The following TTC29 variants were observed in gnomAD, a reference collection of about 807,000 sequenced individuals.
The protein encoded by TTC29 is tetratricopeptide repeat domain 29.
In TTC29, 49 loss-of-function variants were observed where a neutral mutation model predicts 58.1. The ratio of observed to expected loss-of-function variants is 0.84; its 90% confidence interval spans 0.67 to 1.07. TTC29 has a LOEUF of 1.07. TTC29 is among the 50% of genes least tolerant of loss of function. The pLI, the probability that TTC29 is intolerant of heterozygous loss-of-function variation, is 0.00. For synonymous variants in TTC29, 209 were observed against 196.8 expected, an observed-to-expected ratio of 1.06 and a Z score of -0.52; for missense variants, 582 against 555.6, an observed-to-expected ratio of 1.05 and a Z score of -0.48.
Position 146,759,547 on chromosome 4 carries a change from G to T in TTC29, c.1330+43910C>A, listed in dbSNP as rs368565014. Among the ~76,000 whole-genome samples, 24 of 152,128 alleles carry T rather than the reference G, an allele frequency of 1.6e-4. No homozygotes were observed. In the South Asian group the frequency reaches 4.6e-3, roughly 29 times the overall value. On this transcript the variant is annotated intron_variant, in intron 11 of 12. Coordinates refer to ENST00000325106, the MANE Select transcript of TTC29 (RefSeq NM_031956.4). ...TACTAAAATCCTTAACAAAATATTT[G>T]CTAACTGAATCCAACAACATATCAT...
chr4:146,776,605 C>T (rs574674291), intron 11 of TTC29, among the ~76,000 whole-genome samples: 1 of 152,262 alleles, frequency 6.6e-6, no homozygotes, highest in African/African-American at 2.4e-5. Flanking sequence ...GTACTGGACC[C>T]CCAACTTTGT....
At position 146,851,757 on chromosome 4, in the gene TTC29, T is replaced by G. The variant is rs1443368138; in HGVS notation, c.885+15741A>C. On this transcript the variant is annotated intron_variant, in intron 8 of 12. Coordinates refer to ENST00000325106, the MANE Select transcript of TTC29 (RefSeq NM_031956.4). ...AAAACATCCAGAGTTTTTCTGAATT[T>G]CAAGGCAAATTCAGCTAGGAAGTTA... Among the ~76,000 whole-genome samples the G allele has an allele frequency of 2.0e-5, 3 of 152,248 alleles. No homozygotes were observed. The East Asian group carries it at 5.8e-4, about 29-fold the overall frequency.
intron 4 of TTC29, among the ~76,000 whole-genome samples, chr4:146,910,338 G>A (rs565825975): frequency 1.0e-3 from 156 of 152,158 alleles, no homozygotes; most frequent in African/African-American, 3.7e-3. Flanking sequence ...TGGGAAATGT[G>A]AAATCTCACT....
chr4:146,847,120 T>G (rs540757471), intron 8 of TTC29, among the ~76,000 whole-genome samples: 1 of 152,326 alleles, frequency 6.6e-6, no homozygotes, highest in East Asian at 1.9e-4. Context: ...AATTTATGAG[T>G]CATTTCCATT....
intron 10 of TTC29, among the ~76,000 whole-genome samples, chr4:146,813,966 A>G (rs1579736510): frequency 6.6e-6 from 1 of 152,332 alleles, no homozygotes; most frequent in East Asian, 1.9e-4. Flanking sequence ...TTTGGGCAAC[A>G]AGAGTGAAAC....
chr4:146,723,945 T>C (rs1166819000), intron 11 of TTC29, among the ~76,000 whole-genome samples: 1 of 152,182 alleles, frequency 6.6e-6, no homozygotes, highest in Non-Finnish European at 1.5e-5. Context: ...TGCAGCTTTG[T>C]TCAGAATACC....
intron 6 of TTC29, among the ~76,000 whole-genome samples, chr4:146,896,798 A>G (rs749703610): frequency 2.0e-5 from 3 of 151,218 alleles, no homozygotes; most frequent in Non-Finnish European, 4.4e-5. Flanking sequence ...CTCTTTTTCT[A>G]CTCTGTACCT....
chr4:146,745,142 G>C (rs1349830628), intron 11 of TTC29, among the ~76,000 whole-genome samples: 2 of 152,222 alleles, frequency 1.3e-5, no homozygotes, highest in African/African-American at 4.8e-5. Context: ...AAGAGTCTAA[G>C]AAAGACAGTG....
intron 10 of TTC29, among the ~76,000 whole-genome samples, chr4:146,816,295 C>A (rs1339383524): frequency 6.6e-6 from 1 of 152,138 alleles, no homozygotes; most frequent in Non-Finnish European, 1.5e-5. Context: ...AGGAGATGCT[C>A]CCTCATTAGA....
chr4:146,820,573 A>G (rs1751746780), intron 9 of TTC29, among the ~76,000 whole-genome samples: 1 of 152,232 alleles, frequency 6.6e-6, no homozygotes, highest in Non-Finnish European at 1.5e-5. Flanking sequence ...ATATATACCC[A>G]AGTGAAGCAA....
intron 8 of TTC29, among the ~76,000 whole-genome samples, chr4:146,855,377 G>A (rs549656370): frequency 6.6e-6 from 1 of 151,956 alleles, no homozygotes; most frequent in African/African-American, 2.4e-5. Context: ...AGGTTGCAGT[G>A]GGCAGAGATT....
chr4:146,877,180 TA>T (rs1210342003), intron 6 of TTC29, among the ~76,000 whole-genome samples: 1 of 152,156 alleles, frequency 6.6e-6, no homozygotes, highest in Non-Finnish European at 1.5e-5. Context: ...TTAGGAAACA[TA>T]AAAAAACATT....
chr4:146,796,610 T>C (rs1749852493), intron 11 of TTC29, among the ~76,000 whole-genome samples: 1 of 152,194 alleles, frequency 6.6e-6, no homozygotes, highest in Non-Finnish European at 1.5e-5. Context: ...TAGGATATAA[T>C]CCATTAGAGA....
intron 6 of TTC29, among the ~76,000 whole-genome samples, chr4:146,877,007 G>T (rs988582670): frequency 1.2e-4 from 18 of 151,802 alleles, no homozygotes; most frequent in African/African-American, 4.4e-4. Flanking sequence ...CGTGCAGGAG[G>T]ACATGTCAGC....
At chr4:146,790,822 G>C (rs749662748) in intron 11 of TTC29, among the ~76,000 whole-genome samples, 18 of 152,192 alleles carry the variant, frequency 1.2e-4, no homozygotes, top group Non-Finnish European at 2.6e-4. Flanking sequence ...GCAGGGTTCT[G>C]TATTGTAAAG....
At position 146,799,886 on chromosome 4, in the gene TTC29, G is replaced by C. The variant is rs551003487; in HGVS notation, c.1330+3571C>G. 1.6e-4 allele frequency among the ~76,000 whole-genome samples: 24 copies of C among 152,164 alleles called. 1 individual carries two copies. The highest frequency in any genetic ancestry group is 5.5e-4 in the African/African-American group (23 of 41,530). On this transcript the variant is annotated intron_variant, in intron 11 of 12. Transcript: ENST00000325106. ...ACATGTGGGTCTGAGATCTCCAAAA[G>C]GCCAGATGAATGAGCCTTTCATTTA...
At chr4:146,823,709 G>A (rs1751992221) in intron 9 of TTC29, among the ~76,000 whole-genome samples, 2 of 152,142 alleles carry the variant, frequency 1.3e-5, no homozygotes. Context: ...CCATTTTCAT[G>A]ATACTGATTC....
At chr4:146,874,508 A>G (rs1731127200) in intron 7 of TTC29, among the ~76,000 whole-genome samples, 1 of 152,198 alleles carries the variant, frequency 6.6e-6, no homozygotes, top group Non-Finnish European at 1.5e-5. Context: ...TTTTGGAGAT[A>G]AAGCTTTCAG....
intron 11 of TTC29, among the ~76,000 whole-genome samples, chr4:146,753,379 G>A (rs1375809301): frequency 1.3e-5 from 2 of 152,106 alleles, no homozygotes; most frequent in South Asian, 2.1e-4. Flanking sequence ...TTAGAATGAC[G>A]ATCATTAAAA....
Sources: allele counts gnomAD v4.1 joint callset (sites outside exome capture counted in the v4.1 genomes callset), GRCh38; gene constraint gnomAD v4.1.1; transcripts MANE v1.5; gene names NCBI Gene and HGNC (gene_info 2026-07-23, HGNC 2026-07-21).